The following AUH variants were observed in gnomAD, a reference collection of about 807,000 sequenced individuals.
AUH encodes the protein methylglutaconyl-CoA hydratase, mitochondrial.
In AUH, 29 loss-of-function variants were observed where a neutral mutation model predicts 42.3. The ratio of observed to expected loss-of-function variants is 0.69; its 90% CI spans 0.51 to 0.93. AUH has a LOEUF of 0.93. AUH is among the 40% of genes least tolerant of loss of function. The pLI is 0.00. For missense variants in AUH, 452 were observed against 438.1 expected (o/e 1.03, Z -0.28); for synonymous variants, 174 against 166.4 (o/e 1.05, Z -0.35).
intron 4 of AUH, among the ~76,000 whole-genome samples, chr9:91,308,976 G>T (rs962670260): frequency 2.0e-5 from 3 of 151,738 alleles, no homozygotes; most frequent in South Asian, 4.2e-4. Flanking sequence ...ACTTTTAGCA[G>T]CGATGGGGTT....
At position 91,266,223 on chromosome 9, in the gene AUH, G is replaced by A. The variant is rs747479849; in HGVS notation, c.655+29798C>T. ...TAAAAATACAAAAAATTAGCTGGGC[G>A]TGGTGGCAGACGCCTGTAATCCCAG... On this transcript the variant is annotated intron_variant, in intron 6 of 9. Coordinates refer to ENST00000375731, the MANE Select transcript of AUH (RefSeq NM_001698.3). 1.2e-4 allele frequency among the ~76,000 whole-genome samples: 18 copies of A among 152,050 alleles called. No homozygotes were observed. The South Asian group carries it at 1.5e-3, about 12-fold the overall frequency.
intron 1 of AUH, among the ~76,000 whole-genome samples, chr9:91,358,259 G>A (rs1832587947): frequency 6.6e-6 from 1 of 152,168 alleles, no homozygotes; most frequent in African/African-American, 2.4e-5. Flanking sequence ...AACTACCAAG[G>A]TGAGGGTGGA....
intron 4 of AUH, chr9:91,306,310 T>G: frequency 1.0e-6 from 1 of 968,900 alleles, no homozygotes; most frequent in East Asian, 1.1e-4. Context: ...AGCAATCTTA[T>G]CTGGAAGGTT....
intron 4 of AUH, among the ~76,000 whole-genome samples, chr9:91,313,943 C>T (rs1453483814): frequency 2.6e-5 from 4 of 151,500 alleles, no homozygotes; most frequent in African/African-American, 4.8e-5. Flanking sequence ...CGTGCCTCAG[C>T]CTCCTGAGTA....
intron 8 of AUH, 104 bp downstream of exon 8, chr9:91,217,173 A>G: frequency 8.2e-7 from 1 of 1,221,848 alleles, no homozygotes. Flanking sequence ...TTAAACAACC[A>G]TATTTTAGAA....
intron 8 of AUH, among the ~76,000 whole-genome samples, chr9:91,216,644 C>T (rs189074782): frequency 6.6e-5 from 10 of 152,196 alleles, no homozygotes; most frequent in Admixed American, 1.3e-4. Flanking sequence ...CAGGAAGATG[C>T]GGAGGTTCCT....
intron 6 of AUH, among the ~76,000 whole-genome samples, chr9:91,243,503 T>G (rs922774769): frequency 6.6e-6 from 1 of 152,214 alleles, no homozygotes; most frequent in Admixed American, 6.5e-5. Context: ...TGCACAACAC[T>G]CTGCCTCCTC....
chr9:91,236,806 T>C (rs1828212361), intron 6 of AUH, among the ~76,000 whole-genome samples: 2 of 152,182 alleles, frequency 1.3e-5, no homozygotes. Context: ...TTCTGTGTTT[T>C]AAAAGCCACT....
intron 6 of AUH, among the ~76,000 whole-genome samples, chr9:91,234,741 A>C (rs1374061807): frequency 1.3e-5 from 2 of 151,106 alleles, no homozygotes; most frequent in Non-Finnish European, 2.9e-5. Context: ...ACCATTCTGC[A>C]GAAGGAGAGC....
intron 6 of AUH, among the ~76,000 whole-genome samples, chr9:91,246,373 GC>G (rs1327178562): frequency 6.6e-6 from 1 of 152,154 alleles, no homozygotes; most frequent in Non-Finnish European, 1.5e-5. Context: ...AACCAAACAA[GC>G]CCCCTACTGA....
At chr9:91,304,774 A>G (rs894103432) in intron 4 of AUH, among the ~76,000 whole-genome samples, 2 of 152,232 alleles carry the variant, frequency 1.3e-5, no homozygotes, top group African/African-American at 4.8e-5. Context: ...CAGCTTAATG[A>G]AGTAAAAAAG....
intron 3 of AUH, among the ~76,000 whole-genome samples, chr9:91,328,365 T>C (rs758768015): frequency 7.9e-5 from 12 of 152,146 alleles, no homozygotes; most frequent in African/African-American, 1.2e-4. Context: ...CTCCATGAAA[T>C]ACTGCAGAAA....
chr9:91,255,198 CATG>C (rs1375522711), intron 6 of AUH, among the ~76,000 whole-genome samples: 1 of 152,128 alleles, frequency 6.6e-6, no homozygotes, highest in African/African-American at 2.4e-5. Flanking sequence ...TAAATGTTGG[CATG>C]ATATTAACCC....
intron 1 of AUH, among the ~76,000 whole-genome samples, chr9:91,356,474 T>C (rs142247392): frequency 7.9e-5 from 12 of 152,316 alleles, no homozygotes; most frequent in Admixed American, 4.6e-4. Context: ...CACATGCAGG[T>C]ATTATAGCAT....
At chr9:91,249,931 G>C (rs563676112) in intron 6 of AUH, among the ~76,000 whole-genome samples, 13 of 151,530 alleles carry the variant, frequency 8.6e-5, no homozygotes, top group African/African-American at 3.2e-4. Context: ...AGAATTGCTT[G>C]AACCTGGGAG....
At chr9:91,293,642 G>A (rs1827089246) in intron 6 of AUH, among the ~76,000 whole-genome samples, 1 of 152,216 alleles carries the variant, frequency 6.6e-6, no homozygotes, top group Non-Finnish European at 1.5e-5. Context: ...CATGGTTAAG[G>A]AAAGAAGCCA....
At chr9:91,265,277 A>AC (rs948021558) in intron 6 of AUH, among the ~76,000 whole-genome samples, 1 of 133,972 alleles carries the variant, frequency 7.5e-6, no homozygotes, top group Non-Finnish European at 1.6e-5. Flanking sequence ...TTGCTCTTGC[A>AC]TTTTTTTTTT....
At chr9:91,288,380 T>C (rs1012887546) in intron 6 of AUH, among the ~76,000 whole-genome samples, 2 of 152,178 alleles carry the variant, frequency 1.3e-5, no homozygotes, top group African/African-American at 4.8e-5. Context: ...TTATAATATT[T>C]GCATATTCTC....
At chr9:91,234,444 C>G (rs920213680) in intron 6 of AUH, among the ~76,000 whole-genome samples, 2 of 152,108 alleles carry the variant, frequency 1.3e-5, no homozygotes, top group African/African-American at 4.8e-5. Flanking sequence ...AATCTCTATC[C>G]ATCTATTGAT....
Sources: allele counts gnomAD v4.1 joint callset (sites outside exome capture counted in the v4.1 genomes callset), GRCh38; gene constraint gnomAD v4.1.1; transcripts MANE v1.5; gene names NCBI Gene and HGNC (gene_info 2026-07-23, HGNC 2026-07-21).